BLOC1S3: variants seen among roughly 807,000 people sequenced by gnomAD.
The protein encoded by BLOC1S3 is biogenesis of lysosome-related organelles complex 1 subunit 3.
In BLOC1S3, 7 loss-of-function variants were observed where a neutral mutation model predicts 9.1. The observed-to-expected ratio is 0.77, with a 90% CI of 0.44 to 1.45. The LOEUF is 1.45. Ranked by LOEUF, BLOC1S3 falls within the 40% of genes most tolerant of loss-of-function variation. The pLI, the probability that BLOC1S3 is intolerant of heterozygous loss-of-function variation, is 0.01. For synonymous variants in BLOC1S3, 145 were observed against 158.4 expected (o/e 0.92, Z 0.64); for missense variants, 307 against 315.2 (o/e 0.97, Z 0.20).
chr19:45,216,072 C>T (rs1485965850), intron 3 of BLOC1S3: 1 of 1,613,842 alleles, frequency 6.2e-7, no homozygotes, highest in Middle Eastern at 1.6e-4. Flanking sequence ...GGGTGTCTCA[C>T]CTGATGTCTG....
At chr19:45,205,968 C>T (rs1410830670) in intron 3 of BLOC1S3, among the ~76,000 whole-genome samples, 1 of 152,118 alleles carries the variant, frequency 6.6e-6, no homozygotes, top group Non-Finnish European at 1.5e-5. Context: ...GAGTGGTTAT[C>T]GTGGAGAAAA....
chr19:45,184,134 T>C (rs1229748672), downstream of BLOC1S3, among the ~76,000 whole-genome samples: 2 of 152,010 alleles, frequency 1.3e-5, no homozygotes, highest in African/African-American at 4.8e-5. Context: ...TTCCTTCCTT[T>C]CTTTCGGTGG....
chr19:45,211,985 T>G (rs532954078), intron 3 of BLOC1S3, among the ~76,000 whole-genome samples: 3 of 152,036 alleles, frequency 2.0e-5, no homozygotes, highest in Non-Finnish European at 4.4e-5. Context: ...GAGACTTTCC[T>G]GCGTCAACCC....
intron 3 of BLOC1S3, among the ~76,000 whole-genome samples, chr19:45,208,829 A>C (rs1220223742): frequency 6.6e-6 from 1 of 152,156 alleles, no homozygotes; most frequent in Non-Finnish European, 1.5e-5. Flanking sequence ...TCAAAAGAGA[A>C]AGTATAAACT....
chr19:45,209,447 T>C (rs939544945), intron 3 of BLOC1S3, among the ~76,000 whole-genome samples: 3 of 151,482 alleles, frequency 2.0e-5, no homozygotes, highest in East Asian at 1.9e-4. Flanking sequence ...TCTGAGACAG[T>C]GTCTTGCTCT....
In BLOC1S3 at chr19:45,206,462, T is replaced by TTTTTTTGTTTTTG. The variant is rs1555754637; in HGVS notation, n.282+3961_282+3962insGTTTTTGTTTTTT. On this transcript the variant is annotated intron_variant and non_coding_transcript_variant, in intron 3 of 3. Transcript: ENST00000591569. ...TTGGATTAATCAAGTTTTTTTTTTT[T>TTTTTTTGTTTTTG]TTTTTTTTTTTGAGCAAGGATCTCA... Among the ~76,000 whole-genome samples the TTTTTTTGTTTTTG allele has an allele frequency of 1.5e-4, 17 of 115,506 alleles. 1 individual carries two copies. In the South Asian group the frequency reaches 4.8e-3, roughly 33 times the overall value. The allele number at this position is 115,506 out of a possible 152,430, so 75.8% of individuals were successfully genotyped here.
At chr19:45,211,632 G>A (rs1312589939) in intron 3 of BLOC1S3, among the ~76,000 whole-genome samples, 2 of 151,878 alleles carry the variant, frequency 1.3e-5, no homozygotes, top group African/African-American at 4.8e-5. Flanking sequence ...AAAGGCACAG[G>A]AACCTCAGCC....
chr19:45,202,733 C>A (rs1969700519), intron 3 of BLOC1S3, among the ~76,000 whole-genome samples: 1 of 152,062 alleles, frequency 6.6e-6, no homozygotes, highest in Admixed American at 6.6e-5. Context: ...CCAGGGCCAC[C>A]ACAGCTGGGA....
At chr19:45,216,115 T>C in intron 3 of BLOC1S3, 1 of 1,613,774 alleles carries the variant, frequency 6.2e-7, no homozygotes, top group Non-Finnish European at 8.5e-7. Context: ...CACCTCCACC[T>C]GGATGCTGGG....
At chr19:45,216,000 A>AGG in intron 3 of BLOC1S3, 1 of 1,588,512 alleles carries the variant, frequency 6.3e-7, no homozygotes, top group Non-Finnish European at 8.6e-7. Flanking sequence ...CAGGAAGCAC[A>AGG]GGGACGGATG....
intron 3 of BLOC1S3, among the ~76,000 whole-genome samples, chr19:45,205,411 C>T (rs552175121): frequency 3.3e-5 from 5 of 152,234 alleles, no homozygotes; most frequent in South Asian, 2.1e-4. Context: ...GTGATCTACC[C>T]GCTTCAGCCT....
At chr19:45,213,116 G>A (rs943466111) in intron 3 of BLOC1S3, 6 of 1,553,410 alleles carry the variant, frequency 3.9e-6, no homozygotes, top group Non-Finnish European at 5.2e-6. Context: ...CGGGGCCGAG[G>A]CAGACAGGCC....
intron 2 of BLOC1S3, among the ~76,000 whole-genome samples, chr19:45,197,719 G>A (rs1343513679): frequency 6.7e-6 from 1 of 150,268 alleles, no homozygotes; most frequent in Non-Finnish European, 1.5e-5. Flanking sequence ...CAGCTACTCA[G>A]GAGGCTGAAA....
rs117546199 is a variant in BLOC1S3 at position 45,206,038 on chromosome 19, T to C, written n.282+3531T>C. ...GACCAACTTGGGCAACATACTGAGA[T>C]ACCGTCTCTACAAACATAAAAATTA... is the stretch of plus-strand genomic sequence containing the variant. On this transcript the variant is annotated intron_variant and non_coding_transcript_variant, in intron 3 of 3. Coordinates refer to the BLOC1S3 transcript ENST00000591569. Among the ~76,000 whole-genome samples the C allele has an allele frequency of 4.4e-3, 664 of 152,188 alleles. 4 individuals are homozygous for C. The highest frequency in any genetic ancestry group is 8.5e-3 in the Non-Finnish European group (581 of 68,014).
chr19:45,215,987 A>C, intron 3 of BLOC1S3: 5 of 1,556,996 alleles, frequency 3.2e-6, no homozygotes, highest in Non-Finnish European at 4.4e-6. Flanking sequence ...CTCCCTCAGG[A>C]GGCAGGAAGC....
At chr19:45,181,954 T>C (rs1305170578), downstream of BLOC1S3, among the ~76,000 whole-genome samples, 1 of 152,184 alleles carries the variant, frequency 6.6e-6, no homozygotes, top group Non-Finnish European at 1.5e-5. Context: ...GCCCTGGTTC[T>C]GTATTTACTC....
chr19:45,208,128 C>T (rs1969741385), intron 3 of BLOC1S3, among the ~76,000 whole-genome samples: 1 of 151,858 alleles, frequency 6.6e-6, no homozygotes, highest in African/African-American at 2.4e-5. Flanking sequence ...GCACCTGCCA[C>T]CACGCCCAGC....
intron 3 of BLOC1S3, chr19:45,216,002 G>C: frequency 6.3e-7 from 1 of 1,590,558 alleles, no homozygotes. Context: ...GGAAGCACAG[G>C]GACGGATGCC....
At chr19:45,203,601 T>C (rs2122930125) in intron 3 of BLOC1S3, among the ~76,000 whole-genome samples, 1 of 152,228 alleles carries the variant, frequency 6.6e-6, no homozygotes. Flanking sequence ...CAGAGCACTT[T>C]GGCCCGCAGT....
Sources: allele counts gnomAD v4.1 joint callset (sites outside exome capture counted in the v4.1 genomes callset), GRCh38; gene constraint gnomAD v4.1.1; transcripts MANE v1.5; gene names NCBI Gene and HGNC (gene_info 2026-07-23, HGNC 2026-07-21).